Variants in NR1D2 observed in about 807,000 individuals in gnomAD.
The protein encoded by NR1D2 is nuclear receptor subfamily 1 group D member 2.
NR1D2 carries 25 observed loss-of-function variants against 52.2 expected under a neutral mutation model. The ratio of observed to expected loss-of-function variants is 0.48; its 90% CI spans 0.35 to 0.67. The LOEUF (loss-of-function observed/expected upper bound fraction) is 0.67, where lower values mean the gene tolerates loss of function less well. NR1D2 is among the 30% of genes least tolerant of loss of function. The pLI is 0.01. For missense variants in NR1D2, 681 were observed against 707.2 expected, an observed-to-expected ratio of 0.96 and a Z score of 0.42; for synonymous variants, 259 against 230.1, an observed-to-expected ratio of 1.13 and a Z score of -1.14.
At chr3:23,946,394 G>C in intron 1 of NR1D2, 1 of 718,622 alleles carries the variant, frequency 1.4e-6, no homozygotes, top group Non-Finnish European at 1.7e-6. Context: ...CGGGGAAGGC[G>C]TGGGGCTTTC....
chr3:23,946,919 A>G (rs931717030), intron 1 of NR1D2, among the ~76,000 whole-genome samples: 4 of 152,186 alleles, frequency 2.6e-5, no homozygotes, highest in South Asian at 2.1e-4. Context: ...TTGAGTTGCA[A>G]TGCGCCTCTA....
intron 7 of NR1D2, 62 bp from the exon 8 acceptor site, chr3:23,977,159 ATT>A: frequency 1.1e-6 from 1 of 930,402 alleles, no homozygotes; most frequent in Non-Finnish European, 1.5e-6. Context: ...CAAGAATTTT[ATT>A]TATATTTAAT....
chr3:23,973,068 A>G (rs1706631900), intron 7 of NR1D2, among the ~76,000 whole-genome samples: 2 of 152,158 alleles, frequency 1.3e-5, no homozygotes, highest in Admixed American at 1.3e-4. Flanking sequence ...AACTACTACT[A>G]ATACTAGTTC....
At chr3:23,951,217 TAA>T (rs1705922296) in intron 1 of NR1D2, among the ~76,000 whole-genome samples, 1 of 152,206 alleles carries the variant, frequency 6.6e-6, no homozygotes, top group South Asian at 2.1e-4. Flanking sequence ...CTCTAATTTC[TAA>T]AAGTTTATTT....
chr3:23,979,448 A>G lies in NR1D2; in HGVS notation c.*2029A>G, dbSNP rs896000108. On this transcript the variant is annotated 3_prime_UTR_variant, in exon 8 of 8. Transcript: ENST00000312521. ...TTGATTCTTAATTTTTGCCTTTTGC[A>G]TAAGCCTCTTTATAACATGTATCTT... The G allele has an allele frequency of 1.3e-5, 2 of 152,134 alleles. No homozygotes were observed. Among genetic ancestry groups the G allele is most frequent in the African/African-American group, 4.8e-5 (2 of 41,464 alleles). The allele number at this position is 152,134 out of a possible 1,614,324, so 9.4% of individuals were successfully genotyped here. A position where few individuals can be genotyped will look rare whatever the true frequency, so the allele number is the denominator to read the frequency against.
chr3:23,954,033 G>T (rs1314134967), intron 1 of NR1D2, among the ~76,000 whole-genome samples: 1 of 152,182 alleles, frequency 6.6e-6, no homozygotes, highest in Non-Finnish European at 1.5e-5. Context: ...ATGGGGTCCT[G>T]CTCTGTCTCC....
chr3:23,947,542 C>A (rs1303274460), intron 1 of NR1D2, among the ~76,000 whole-genome samples: 1 of 152,178 alleles, frequency 6.6e-6, no homozygotes, highest in Non-Finnish European at 1.5e-5. Context: ...GTCTTGAATC[C>A]TGTTGCAAAT....
At chr3:23,946,863 C>T (rs1337011514) in intron 1 of NR1D2, among the ~76,000 whole-genome samples, 1 of 152,158 alleles carries the variant, frequency 6.6e-6, no homozygotes, top group Non-Finnish European at 1.5e-5. Flanking sequence ...TGAGGTAGAT[C>T]TGAAGTGAGT....
In NR1D2 at chr3:23,979,629, G is replaced by C. The variant is rs1706823447; in HGVS notation, c.*2210G>C. 1 of 151,968 alleles carries C rather than the reference G, an allele frequency of 6.6e-6. No individual in the cohort carries two copies. 9.4% of individuals were successfully genotyped at this position (151,968 alleles called of 1,614,324 possible). On this transcript the variant is annotated 3_prime_UTR_variant, in exon 8 of 8. Transcript: ENST00000312521. ...AATTTTATTTGAATAAATTCTTCCT[G>C]TAGGTAATGGGAAACAAAATTAATA...
At position 23,967,839 on chromosome 3, in the gene NR1D2, A is replaced by G. The variant is rs1559336734; in HGVS notation, c.1359A>G (p.Leu453=). ...TTTTAATGGTACGGTTCGCATCATT[A>G]TTTGATGCAAAGGAACGTACTGTCA... ...FEVLMVRFAS[L]FDAKERTVTF... The change falls in exon 7 of 8, where the codon TTA becomes TTG. Residue 453 remains leucine (L), a synonymous_variant. Coordinates refer to ENST00000312521, the MANE Select transcript of NR1D2 (RefSeq NM_005126.5). 1 of 1,613,634 alleles carries G rather than the reference A, an allele frequency of 6.2e-7. No homozygotes were observed. The highest frequency in any genetic ancestry group is 1.1e-5 in the South Asian group (1 of 91,064).
chr3:23,977,145 T>C (rs1241530654), intron 7 of NR1D2, 78 bp from the exon 8 acceptor site: 1 of 830,480 alleles, frequency 1.2e-6, no homozygotes, highest in African/African-American at 1.8e-5. Context: ...GTGACACTGA[T>C]AAGCAAGAAT....
chr3:23,953,342 C>CAAAAAAAAAAAAAA (rs55698030), intron 1 of NR1D2, among the ~76,000 whole-genome samples: 1 of 52,440 alleles, frequency 1.9e-5, no homozygotes, highest in African/African-American at 6.3e-5. Context: ...GACTCTGTCT[C>CAAAAAAAAAAAAAA]AAAAAAAAAA....
In NR1D2 at chr3:23,959,738, C is replaced by A. The variant is rs1706185975; in HGVS notation, c.440C>A (p.Ser147Tyr). Residue 147 changes from serine to tyrosine, a missense_variant, in exon 4 of 8, where the codon TCT becomes TAT. Ser to Tyr is a moderately radical substitution (Grantham distance 144). Around this residue, in one of 3 missense-constraint regions of NR1D2, gnomAD observed 112 missense variants for 162.3 expected, o/e 0.69. Coordinates refer to ENST00000312521, the MANE Select transcript of NR1D2 (RefSeq NM_005126.5). ...AAGTGCCTGAAGAATGAAAACTGTTCTATAATGAGAATGAATAGGAACAGA... is the reference window on the plus strand; with the variant it reads ...AAGTGCCTGAAGAATGAAAACTGTTATATAATGAGAATGAATAGGAACAGA... ...YKKCLKNENC[S>Y]IMRMNRNRCQ... 1 of 1,613,682 alleles carries A rather than the reference C, an allele frequency of 6.2e-7. No homozygotes were observed. Among genetic ancestry groups the A allele is most frequent in the Non-Finnish European group, 8.5e-7 (1 of 1,179,890 alleles).
At chr3:23,950,074 G>A (rs1462637138) in intron 1 of NR1D2, among the ~76,000 whole-genome samples, 1 of 152,194 alleles carries the variant, frequency 6.6e-6, no homozygotes, top group East Asian at 1.9e-4. Context: ...GGTACATACT[G>A]CCTGTTTCTT....
chr3:23,971,032 C>T (rs1021489819), intron 7 of NR1D2, among the ~76,000 whole-genome samples: 5 of 152,162 alleles, frequency 3.3e-5, no homozygotes, highest in African/African-American at 9.7e-5. Context: ...CCGCCCGCCT[C>T]GGCCTCCCAA....
Position 23,979,420 on chromosome 3 carries a change from A to G in NR1D2, c.*2001A>G, listed in dbSNP as rs1419239080. The G allele has an allele frequency of 1.3e-5, 2 of 152,114 alleles. No homozygotes were observed. Among genetic ancestry groups the G allele is most frequent in the African/African-American group, 4.8e-5 (2 of 41,456 alleles). 9.4% of individuals were successfully genotyped at this position (152,114 alleles called of 1,614,324 possible). On this transcript the variant is annotated 3_prime_UTR_variant, in exon 8 of 8. Coordinates refer to ENST00000312521, the MANE Select transcript of NR1D2 (RefSeq NM_005126.5). ...GAAGTAATGAAAACCTCAAAAGATC[A>G]TGTTGATTCTTAATTTTTGCCTTTT...
chr3:23,946,389 A>G, intron 1 of NR1D2: 2 of 760,014 alleles, frequency 2.6e-6, no homozygotes, highest in Non-Finnish European at 3.2e-6. Context: ...CGCCTCGGGG[A>G]AGGCGTGGGG....
At chr3:23,969,320 C>A (rs1368914908) in intron 7 of NR1D2, among the ~76,000 whole-genome samples, 1 of 151,464 alleles carries the variant, frequency 6.6e-6, no homozygotes, top group South Asian at 2.1e-4. Context: ...AAAAAAAAAA[C>A]AAGTTATTTG....
intron 1 of NR1D2, among the ~76,000 whole-genome samples, chr3:23,947,116 T>A (rs1055812044): frequency 5.3e-5 from 8 of 152,360 alleles, no homozygotes; most frequent in African/African-American, 1.9e-4. Flanking sequence ...AGGGTATTTT[T>A]AAAATTTTAT....
Sources: allele counts gnomAD v4.1 joint callset (sites outside exome capture counted in the v4.1 genomes callset), GRCh38; gene constraint gnomAD v4.1.1; regional missense constraint gnomAD v4.1.1; transcripts MANE v1.5; gene names NCBI Gene and HGNC (gene_info 2026-07-23, HGNC 2026-07-21).